Variants in SLC30A5 observed in about 807,000 individuals in gnomAD.
The protein encoded by SLC30A5 is solute carrier family 30 member 5.
Under a neutral mutation model 79.6 loss-of-function variants are expected in SLC30A5, and 33 were observed. The ratio of observed to expected loss-of-function variants is 0.41; its 90% CI spans 0.31 to 0.55. The LOEUF (loss-of-function observed/expected upper bound fraction) is 0.55. Among genes scored for constraint, SLC30A5 ranks in the 20% least tolerant of loss-of-function variants. The pLI is 0.20. For synonymous variants in SLC30A5, 299 were observed against 319.7 expected, an observed-to-expected ratio of 0.94 and a Z score of 0.69; for missense variants, 788 against 928.1, an observed-to-expected ratio of 0.85 and a Z score of 1.96.
chr5:69,119,220 G>T (rs1318731289), intron 12 of SLC30A5, among the ~76,000 whole-genome samples: 1 of 151,664 alleles, frequency 6.6e-6, no homozygotes, highest in African/African-American at 2.4e-5. Flanking sequence ...TTTTGCTTAT[G>T]TGAAATACTT....
At chr5:69,094,860 G>A (rs918128680) in intron 1 of SLC30A5, among the ~76,000 whole-genome samples, 9 of 150,162 alleles carry the variant, frequency 6.0e-5, no homozygotes, top group Non-Finnish European at 1.2e-4. Context: ...TCTTAAATAA[G>A]AAATGTGTCC....
chr5:69,123,443 T>G lies in SLC30A5; in HGVS notation c.1998+18T>G. On this transcript the variant is annotated intron_variant, in intron 14 of 15. Transcript: ENST00000396591. ...TAGAAAAGGTACTGTATGTAATTTC[T>G]TCACTACTTTCTTCCTTGAAAATCA... is the stretch of plus-strand genomic sequence containing the variant. 1 of 1,565,390 alleles carries G rather than the reference T, an allele frequency of 6.4e-7. No homozygotes were observed. The highest frequency in any genetic ancestry group is 8.8e-7 in the Non-Finnish European group (1 of 1,137,466).
At chr5:69,115,174 A>G in intron 7 of SLC30A5, 63 bp from the exon 8 acceptor site, 4 of 833,400 alleles carry the variant, frequency 4.8e-6, no homozygotes, top group Non-Finnish European at 5.5e-6. Context: ...AAGATCATGT[A>G]TTTAACGACT....
At chr5:69,112,388 A>G (rs546418439) in intron 5 of SLC30A5, among the ~76,000 whole-genome samples, 2 of 152,308 alleles carry the variant, frequency 1.3e-5, no homozygotes, top group African/African-American at 4.8e-5. Flanking sequence ...TGTCCTTTCT[A>G]TAATTTTCTT....
intron 12 of SLC30A5, among the ~76,000 whole-genome samples, chr5:69,119,833 A>C (rs1040142623): frequency 2.0e-5 from 3 of 152,008 alleles, no homozygotes; most frequent in Non-Finnish European, 4.4e-5. Context: ...CAGTCTGGTC[A>C]ACATAGTGAA....
chr5:69,124,525 G>T lies in SLC30A5; in HGVS notation c.1998+1100G>T, dbSNP rs550046094. Among the ~76,000 whole-genome samples, 4 of 152,208 alleles carry T rather than the reference G, an allele frequency of 2.6e-5. No individual in the cohort carries two copies. The South Asian group carries it at 8.3e-4, about 32-fold the overall frequency. On this transcript the variant is annotated intron_variant, in intron 14 of 15. Transcript: ENST00000396591. ...ATTATATAAAAATACATTTCCAGTG[G>T]ATTAAATATGTAAATGACAAAAAAA...
intron 12 of SLC30A5, among the ~76,000 whole-genome samples, chr5:69,119,336 A>T (rs1746473737): frequency 6.6e-6 from 1 of 151,656 alleles, no homozygotes; most frequent in South Asian, 2.1e-4. Context: ...ATTTTTGGAA[A>T]TACTTTCTTT....
intron 3 of SLC30A5, chr5:69,103,922 A>G (rs1476005026): frequency 2.8e-6 from 4 of 1,403,552 alleles, no homozygotes; most frequent in Admixed American, 2.5e-5. Flanking sequence ...AATATGATTA[A>G]TAGTCTAAAC....
At chr5:69,126,776 AC>A (rs1746705374) in intron 14 of SLC30A5, among the ~76,000 whole-genome samples, 1 of 150,942 alleles carries the variant, frequency 6.6e-6, no homozygotes, top group South Asian at 2.1e-4. Context: ...TCTTAAAAAA[AC>A]AAACAAACAA....
At chr5:69,117,771 G>A (rs776451164) in intron 11 of SLC30A5, among the ~76,000 whole-genome samples, 3 of 151,940 alleles carry the variant, frequency 2.0e-5, no homozygotes, top group Non-Finnish European at 4.4e-5. Context: ...CAGCTACTCG[G>A]GAGGTTGAGG....
chr5:69,115,899 TTG>T (rs1192786225), intron 8 of SLC30A5, 25 bp from the exon 9 acceptor site: 7 of 1,567,564 alleles, frequency 4.5e-6, no homozygotes, highest in Non-Finnish European at 6.1e-6. Flanking sequence ...ATGTATAGTC[TTG>T]ACAATTCTTT....
rs1746381438 is a variant in SLC30A5, at chr5:69,116,640, CATA to C, written c.1281+42_1281+44del. On this transcript the variant is annotated intron_variant, in intron 10 of 15. Transcript: ENST00000396591. This position sits in a 1 kb window ranked among gnomAD's most constrained non-coding sequence, Gnocchi z 4.0. ...AATGTTAATTGACATATCCTAAAAGCATAATATTTTAATTTTGACAGTTCTGGT... is the reference window on the plus strand; with the variant it reads ...AATGTTAATTGACATATCCTAAAAGCATATTTTAATTTTGACAGTTCTGGT... 1 of 1,336,084 alleles carries C rather than the reference CATA, an allele frequency of 7.5e-7. No homozygotes were observed. The highest frequency in any genetic ancestry group is 1.0e-6 in the Non-Finnish European group (1 of 994,968). 82.8% of individuals were successfully genotyped at this position (1,336,084 alleles called of 1,614,324 possible). A position where few individuals can be genotyped will look rare whatever the true frequency, so the allele number is the denominator to read the frequency against.
At chr5:69,104,740 A>ATG in intron 4 of SLC30A5, 24 bp downstream of exon 4, 1 of 1,595,418 alleles carries the variant, frequency 6.3e-7, no homozygotes, top group Non-Finnish European at 8.5e-7. Context: ...CATATTTTGA[A>ATG]TGTGTGTTTG....
In SLC30A5 at chr5:69,100,787, T is replaced by A. The variant is rs759792409; in HGVS notation, c.84-20T>A. ...GTAATTTCAGTGATACTAAAAATTG[T>A]TTCTGCTTTTATTTTTCAGATTAAC... On this transcript the variant is annotated intron_variant, in intron 1 of 15. Coordinates refer to ENST00000396591, the MANE Select transcript of SLC30A5 (RefSeq NM_022902.5). The A allele has an allele frequency of 1.9e-6, 3 of 1,575,014 alleles. No homozygotes were observed. Among genetic ancestry groups the A allele is most frequent in the Admixed American group, 1.8e-5 (1 of 55,300 alleles).
intron 4 of SLC30A5, 57 bp downstream of exon 4, chr5:69,104,773 T>C (rs533798758): frequency 6.5e-7 from 1 of 1,535,640 alleles, no homozygotes; most frequent in African/African-American, 1.4e-5. Context: ...TTGAATATTA[T>C]TTTTGTTCCA....
intron 7 of SLC30A5, 70 bp from the exon 8 acceptor site, chr5:69,115,167 A>AAAAATTT: frequency 1.3e-6 from 1 of 743,904 alleles, no homozygotes; most frequent in Non-Finnish European, 2.1e-6. Flanking sequence ...AAAAAAAAAG[A>AAAAATTT]TCATGTATTT....
chr5:69,105,525 GC>G (rs903202978), intron 4 of SLC30A5, among the ~76,000 whole-genome samples: 4 of 152,096 alleles, frequency 2.6e-5, no homozygotes, highest in African/African-American at 7.2e-5. Flanking sequence ...AGCCAACATA[GC>G]AAAACCCCGC....
At chr5:69,110,121 C>T (rs898833978) in intron 5 of SLC30A5, among the ~76,000 whole-genome samples, 1 of 152,284 alleles carries the variant, frequency 6.6e-6, no homozygotes, top group East Asian at 1.9e-4. Flanking sequence ...ATAAACTCCT[C>T]TACACTCCCT....
intron 7 of SLC30A5, among the ~76,000 whole-genome samples, chr5:69,114,928 CGTA>C (rs1561293947): frequency 2.0e-5 from 3 of 151,882 alleles, no homozygotes; most frequent in Admixed American, 6.6e-5. Flanking sequence ...TAAGTAGTTA[CGTA>C]ATTGAGTATA....
Sources: allele counts gnomAD v4.1 joint callset (sites outside exome capture counted in the v4.1 genomes callset), GRCh38; gene constraint gnomAD v4.1.1; non-coding constraint Gnocchi (gnomAD v3.1); transcripts MANE v1.5; gene names NCBI Gene and HGNC (gene_info 2026-07-23, HGNC 2026-07-21).